MAF: variants seen among roughly 807,000 people sequenced by gnomAD.
MAF encodes transcription factor Maf.
In MAF, 10 loss-of-function variants were observed where a neutral mutation model predicts 22.0. That is an observed-to-expected ratio of 0.45 (90% confidence interval 0.28 to 0.77). The LOEUF is 0.77. Among genes scored for constraint, MAF ranks in the 30% least tolerant of loss-of-function variants. The probability of loss-of-function intolerance (pLI) is 0.12; values close to 1 mark genes in which losing one functional copy is unlikely to be tolerated. For missense variants in MAF, 544 were observed against 548.4 expected, an observed-to-expected ratio of 0.99 and a Z score of 0.08; for synonymous variants, 337 against 255.8, an observed-to-expected ratio of 1.32 and a Z score of -3.03.
At chr16:79,379,075 A>G in the MAF span, among the ~76,000 whole-genome samples, 1 of 152,256 alleles carries the variant, frequency 6.6e-6, no homozygotes, top group East Asian at 1.9e-4. Flanking sequence ...TTTAAAGATC[A>G]AGAGTCAGCT....
the MAF span, among the ~76,000 whole-genome samples, chr16:79,303,097 GT>G: frequency 6.6e-6 from 1 of 152,330 alleles, no homozygotes; most frequent in East Asian, 1.9e-4. Flanking sequence ...CTGTGTGTGT[GT>G]GTGAATGTGT....
At chr16:79,241,734 A>G in the MAF span, among the ~76,000 whole-genome samples, 4 of 152,020 alleles carry the variant, frequency 2.6e-5, no homozygotes, top group African/African-American at 9.7e-5. Flanking sequence ...CCCAAGACAC[A>G]TGCTTATCAG....
chr16:79,256,122 C>G, the MAF span, among the ~76,000 whole-genome samples: 2 of 151,344 alleles, frequency 1.3e-5, no homozygotes, highest in Admixed American at 6.6e-5. Flanking sequence ...GCTGGGACTA[C>G]AGGCACATGC....
At chr16:79,358,980 G>A in the MAF span, among the ~76,000 whole-genome samples, 15 of 152,256 alleles carry the variant, frequency 9.9e-5, no homozygotes, top group South Asian at 4.1e-4. Context: ...TTAGAGTGCC[G>A]GAATGAACAG....
chr16:79,550,024 G>A, the MAF span, among the ~76,000 whole-genome samples: 1 of 152,082 alleles, frequency 6.6e-6, no homozygotes, highest in Non-Finnish European at 1.5e-5. Flanking sequence ...GCTTCTTTCT[G>A]TCACTAATGT....
the MAF span, among the ~76,000 whole-genome samples, chr16:79,280,330 C>G: frequency 1.6e-4 from 25 of 152,154 alleles, no homozygotes; most frequent in African/African-American, 5.6e-4. Context: ...GATCAAGAGT[C>G]CAGCTGCAGT....
chr16:79,225,862 T>C, the MAF span, among the ~76,000 whole-genome samples: 32 of 152,144 alleles, frequency 2.1e-4, no homozygotes, highest in Non-Finnish European at 4.1e-4. Flanking sequence ...TGGTGATCAT[T>C]AAAAAGTCAG....
chr16:79,591,850 C>G (rs55769103), downstream of MAF, among the ~76,000 whole-genome samples: 2 of 152,318 alleles, frequency 1.3e-5, no homozygotes, highest in African/African-American at 4.8e-5. Flanking sequence ...CATTATGAAT[C>G]ACAGACTGAT....
At chr16:79,404,878 C>G in the MAF span, among the ~76,000 whole-genome samples, 1 of 152,128 alleles carries the variant, frequency 6.6e-6, no homozygotes, top group Admixed American at 6.5e-5. Flanking sequence ...TCCCCTCCTT[C>G]TCTCTCTCTT....
the MAF span, among the ~76,000 whole-genome samples, chr16:79,349,107 A>G: frequency 6.6e-6 from 1 of 152,254 alleles, no homozygotes; most frequent in African/African-American, 2.4e-5. Flanking sequence ...GCTAATTCTC[A>G]TAACTTCAGT....
the MAF span, among the ~76,000 whole-genome samples, chr16:79,462,964 G>A: frequency 6.6e-6 from 1 of 152,210 alleles, no homozygotes; most frequent in Non-Finnish European, 1.5e-5. Context: ...GGATTAGAGG[G>A]TGGTAAAGGA....
At chr16:79,213,693 G>GTTAGT in the MAF span, among the ~76,000 whole-genome samples, 17 of 152,044 alleles carry the variant, frequency 1.1e-4, no homozygotes, top group East Asian at 1.4e-3. Flanking sequence ...CCAGCAGTTA[G>GTTAGT]TTAGTTAGAC....
At chr16:79,300,014 C>G in the MAF span, among the ~76,000 whole-genome samples, 1 of 152,168 alleles carries the variant, frequency 6.6e-6, no homozygotes, top group African/African-American at 2.4e-5. Context: ...GGCTAGGGAG[C>G]CTTCCTTATG....
intron 1 of MAF, 103 bp from the exon 2 acceptor site, chr16:79,594,656 T>A (rs1433419060): frequency 6.6e-7 from 1 of 1,525,242 alleles, no homozygotes; most frequent in Non-Finnish European, 8.8e-7. Flanking sequence ...TTTTTTTAAA[T>A]TTAGAGACTT....
the MAF span, among the ~76,000 whole-genome samples, chr16:79,401,906 C>T: frequency 0.016 from 2,385 of 152,192 alleles, 67 homozygotes; most frequent in African/African-American, 0.054. Context: ...GCCGCATGCC[C>T]CTGCCATCAG....
At chr16:79,278,025 T>G in the MAF span, among the ~76,000 whole-genome samples, 3 of 152,194 alleles carry the variant, frequency 2.0e-5, no homozygotes, top group African/African-American at 7.2e-5. Context: ...AAAGTGCATT[T>G]TAATTGGTGC....
chr16:79,537,109 G>A, the MAF span, among the ~76,000 whole-genome samples: 3,383 of 152,302 alleles, frequency 0.022, 122 homozygotes, highest in African/African-American at 0.069. Context: ...ATCCTGGGAA[G>A]ACTACATACT....
chr16:79,224,817 A>C, the MAF span, among the ~76,000 whole-genome samples: 16 of 152,280 alleles, frequency 1.1e-4, no homozygotes, highest in Middle Eastern at 3.4e-3. Flanking sequence ...ATTATGAAAG[A>C]CCTCTTCAAG....
chr16:79,399,290 G>C, the MAF span, among the ~76,000 whole-genome samples: 9,147 of 152,274 alleles, frequency 0.06, 470 homozygotes, highest in East Asian at 0.28. Context: ...TCTTTGTAAA[G>C]TGCTCATGAC....
Sources: allele counts gnomAD v4.1 joint callset (sites outside exome capture counted in the v4.1 genomes callset), GRCh38; gene constraint gnomAD v4.1.1; transcripts MANE v1.5; gene names NCBI Gene and HGNC (gene_info 2026-07-23, HGNC 2026-07-21).